The following IL1RN variants were observed in gnomAD, a reference collection of about 807,000 sequenced individuals.
IL1RN encodes interleukin-1 receptor antagonist protein.
Under a neutral mutation model 13.7 loss-of-function variants are expected in IL1RN, and 10 were observed. The ratio of observed to expected loss-of-function variants is 0.73; its 90% CI spans 0.45 to 1.24. The LOEUF (loss-of-function observed/expected upper bound fraction) is 1.24. IL1RN is among the 50% of genes most tolerant of loss of function. The pLI is 0.00. For missense variants in IL1RN, 213 were observed against 222.1 expected (o/e 0.96, Z 0.26); for synonymous variants, 102 against 82.7 (o/e 1.23, Z -1.27).
At chr2:113,108,024 C>T (rs905590108), upstream of IL1RN, among the ~76,000 whole-genome samples, 7 of 152,280 alleles carry the variant, frequency 4.6e-5, no homozygotes, top group East Asian at 1.9e-4. Flanking sequence ...TTAAAAAACA[C>T]GAAATTATCT....
chr2:113,131,159 T>G lies in IL1RN; in HGVS notation c.318+2T>G, dbSNP rs1687156643. The stretch of plus-strand genomic sequence containing the variant: ...GATGAGACCAGACTCCAGCTGGAGG[T>G]AAAAACATGCTTTGGATCTCAAATC... On this transcript the variant is annotated splice_donor_variant, in intron 3 of 3. Coordinates refer to ENST00000409930, the MANE Select transcript of IL1RN (RefSeq NM_173842.3). LOFTEE classifies it high-confidence loss of function. 6.3e-7 allele frequency: 1 copy of G among 1,578,332 alleles called. No homozygotes were observed. The highest frequency in any genetic ancestry group is 8.7e-7 in the Non-Finnish European group (1 of 1,147,338).
At chr2:113,129,080 G>C (rs1450646267) in intron 1 of IL1RN, among the ~76,000 whole-genome samples, 1 of 152,132 alleles carries the variant, frequency 6.6e-6, no homozygotes, top group African/African-American at 2.4e-5. Context: ...AGGTGCTATG[G>C]TAGCCACTAG....
At position 113,129,585 on chromosome 2, in the gene IL1RN, T is replaced by A. The variant is rs766285518; in HGVS notation, c.126T>A (p.Asp42Glu). Reference protein sequence around the residue: ...SSKMQAFRIWDVNQKTFYLRN... With the variant: ...SSKMQAFRIWEVNQKTFYLRN... ...TCCTTTTCCTTTTCAGAATCTGGGA[T>A]GTTAACCAGAAGACCTTCTATCTGA... The change falls in exon 2 of 4, where the codon GAT becomes GAA. Residue 42 changes from aspartate (D) to glutamate (E), a missense_variant. Transcript: ENST00000409930. The A allele has an allele frequency of 6.2e-7, 1 of 1,607,456 alleles. No homozygotes were observed. The highest frequency in any genetic ancestry group is 1.7e-5 in the Admixed American group (1 of 60,016).
chr2:113,125,307 A>G (rs564013474), upstream of IL1RN, among the ~76,000 whole-genome samples: 67 of 152,380 alleles, frequency 4.4e-4, 1 homozygote, highest in African/African-American at 1.6e-3. Context: ...AGGTTCATAT[A>G]CATCATCTCC....
chr2:113,101,587 A>G, the IL1RN span, among the ~76,000 whole-genome samples: 24 of 152,274 alleles, frequency 1.6e-4, no homozygotes, highest in African/African-American at 5.8e-4. Flanking sequence ...AAGAGTTAAC[A>G]ATAGCATCCC....
At chr2:113,103,484 C>A (rs1257727725), upstream of IL1RN, among the ~76,000 whole-genome samples, 1 of 152,146 alleles carries the variant, frequency 6.6e-6, no homozygotes. Flanking sequence ...TGGAGTGATG[C>A]CGCCATGAGG....
At chr2:113,110,711 C>A (rs1047400310), upstream of IL1RN, among the ~76,000 whole-genome samples, 11 of 152,234 alleles carry the variant, frequency 7.2e-5, no homozygotes, top group Non-Finnish European at 1.2e-4. Context: ...TGGTAAAGTG[C>A]CTATGATTCT....
chr2:113,127,946 C>T (rs532441048), intron 1 of IL1RN, among the ~76,000 whole-genome samples: 62 of 152,332 alleles, frequency 4.1e-4, no homozygotes, highest in African/African-American at 9.1e-4. Context: ...ATAGTGCGAC[C>T]GGAGGGCTGT....
rs1043921400 is a variant in IL1RN, at chr2:113,128,431, C to G, written c.116+691C>G. Among the ~76,000 whole-genome samples, 4 of 152,222 alleles carry G rather than the reference C, an allele frequency of 2.6e-5. 1 individual carries two copies. Among genetic ancestry groups the G allele is most frequent in the East Asian group, 3.9e-4 (2 of 5,166 alleles). The stretch of plus-strand genomic sequence containing the variant: ...AATCATGTTGGGGTGACTTCTCCCC[C>G]ACTCTGACCTTTATGTTTGTCTGGG... On this transcript the variant is annotated intron_variant, in intron 1 of 3. Coordinates refer to ENST00000409930, the MANE Select transcript of IL1RN (RefSeq NM_173842.3).
intron 3 of IL1RN, among the ~76,000 whole-genome samples, 199 bp downstream of exon 3, chr2:113,131,356 T>A (rs1014579901): frequency 1.3e-5 from 2 of 152,206 alleles, no homozygotes; most frequent in African/African-American, 4.8e-5. Context: ...TGGTCCCTCA[T>A]CCTCCAGGCT....
chr2:113,124,234 G>A (rs553365554), upstream of IL1RN, among the ~76,000 whole-genome samples: 167 of 152,278 alleles, frequency 1.1e-3, 2 homozygotes, highest in Non-Finnish European at 3.4e-4. Context: ...CTTCATCCAG[G>A]AAGCAGAACT....
chr2:113,114,406 C>T (rs971112636), upstream of IL1RN, among the ~76,000 whole-genome samples: 4 of 25,976 alleles, frequency 1.5e-4, no homozygotes, highest in Admixed American at 1.2e-3. Context: ...GAGGCAGCTG[C>T]CCACCGTTAA....
upstream of IL1RN, chr2:113,115,615 A>G (rs897992937): frequency 6.6e-6 from 1 of 152,070 alleles, no homozygotes; most frequent in Admixed American, 6.5e-5. Context: ...AGTCACTCAG[A>G]ATTCCACGGT....
At chr2:113,132,378 G>A (rs1215108692) in intron 3 of IL1RN, among the ~76,000 whole-genome samples, 1 of 152,198 alleles carries the variant, frequency 6.6e-6, no homozygotes, top group African/African-American at 2.4e-5. Flanking sequence ...AACCCAGGAG[G>A]TGGAGGTTGC....
chr2:113,108,384 A>G (rs1686419665), upstream of IL1RN, among the ~76,000 whole-genome samples: 1 of 152,098 alleles, frequency 6.6e-6, no homozygotes, highest in Non-Finnish European at 1.5e-5. Flanking sequence ...AGCATTAGGT[A>G]TATCTCCTAA....
chr2:113,106,553 A>G (rs114384798), upstream of IL1RN, among the ~76,000 whole-genome samples: 510 of 152,330 alleles, frequency 3.3e-3, 2 homozygotes, highest in African/African-American at 0.012. Flanking sequence ...CAAAGAGCTA[A>G]TTGTTAAATT....
upstream of IL1RN, chr2:113,115,523 G>A (rs976585192): frequency 1.3e-5 from 2 of 152,146 alleles, no homozygotes; most frequent in African/African-American, 4.8e-5. Context: ...GTTAGTGCCA[G>A]AGCAAGTGGC....
chr2:113,114,553 C>G (rs1362895194), upstream of IL1RN, among the ~76,000 whole-genome samples: 1 of 152,116 alleles, frequency 6.6e-6, no homozygotes, highest in Admixed American at 6.5e-5. Flanking sequence ...ATCTTGACCA[C>G]ATTTGATGTG....
the IL1RN span, among the ~76,000 whole-genome samples, chr2:113,101,216 C>T: frequency 2.6e-5 from 4 of 152,148 alleles, no homozygotes; most frequent in African/African-American, 4.8e-5. Flanking sequence ...AAGTTGTCTT[C>T]GCTGGTTGAC....
Sources: gnomAD v4.1 joint callset for allele counts (sites outside exome capture counted in the v4.1 genomes callset) on GRCh38, gnomAD v4.1.1 for gene constraint, MANE v1.5 for transcripts, NCBI Gene and HGNC (gene_info 2026-07-23, HGNC 2026-07-21) for gene names.